The following B3GALT1 variants were observed in gnomAD, a reference collection of about 807,000 sequenced individuals.
B3GALT1 encodes the protein beta-1,3-galactosyltransferase 1, also known as UDP-Gal:betaGlcNAc beta 1,3-galactosyltransferase, polypeptide 1.
In B3GALT1, 10 loss-of-function variants were observed where a neutral mutation model predicts 23.2. That is an observed-to-expected ratio of 0.43 (90% CI 0.27 to 0.73). The LOEUF is 0.73. B3GALT1 is among the 30% of genes least tolerant of loss of function. The pLI, the probability that B3GALT1 is intolerant of heterozygous loss-of-function variation, is 0.21. For synonymous variants in B3GALT1, 156 were observed against 141.5 expected, an observed-to-expected ratio of 1.10 and a Z score of -0.73; for missense variants, 299 against 405.4, an observed-to-expected ratio of 0.74 and a Z score of 2.25.
intron 3 of B3GALT1, among the ~76,000 whole-genome samples, chr2:167,764,716 A>C (rs1687948516): frequency 6.6e-6 from 1 of 152,234 alleles, no homozygotes; most frequent in Non-Finnish European, 1.5e-5. Context: ...AAAACATAAC[A>C]GTGCAAATAA....
At chr2:167,446,909 C>G (rs1699006138) in intron 1 of B3GALT1, among the ~76,000 whole-genome samples, 1 of 152,078 alleles carries the variant, frequency 6.6e-6, no homozygotes, top group Non-Finnish European at 1.5e-5. Context: ...TGGTGAGGAG[C>G]TACGTTCCTT....
intron 3 of B3GALT1, among the ~76,000 whole-genome samples, chr2:167,818,222 A>T (rs1381511819): frequency 3.3e-5 from 5 of 152,144 alleles, no homozygotes; most frequent in Admixed American, 6.5e-5. Flanking sequence ...TTTCACATTT[A>T]AAAAATCTAT....
At chr2:167,626,490 A>C (rs931590037) in intron 2 of B3GALT1, among the ~76,000 whole-genome samples, 17 of 151,754 alleles carry the variant, frequency 1.1e-4, no homozygotes, top group African/African-American at 3.9e-4. Flanking sequence ...ACGTATTTTG[A>C]GGCTGAAAAT....
At chr2:167,407,471 A>G (rs1337262280) in intron 1 of B3GALT1, among the ~76,000 whole-genome samples, 1 of 152,120 alleles carries the variant, frequency 6.6e-6, no homozygotes, top group Admixed American at 6.5e-5. Context: ...AATTAGTAGT[A>G]GGAAAGAAAT....
At chr2:167,376,484 GT>G (rs1453808689) in intron 1 of B3GALT1, among the ~76,000 whole-genome samples, 2 of 152,066 alleles carry the variant, frequency 1.3e-5, no homozygotes, top group African/African-American at 4.8e-5. Context: ...GCTTTCTTGG[GT>G]TGGTAGGTTT....
chr2:167,334,959 G>A (rs927671617), intron 1 of B3GALT1, among the ~76,000 whole-genome samples: 8 of 152,078 alleles, frequency 5.3e-5, no homozygotes, highest in Non-Finnish European at 1.2e-4. Context: ...GTTGGTTTGT[G>A]TTCTTGCTTT....
intron 1 of B3GALT1, among the ~76,000 whole-genome samples, chr2:167,414,423 A>G (rs1698437195): frequency 6.6e-6 from 1 of 152,180 alleles, no homozygotes. Context: ...ATTAGGTTAT[A>G]ATGTTCACTT....
intron 3 of B3GALT1, among the ~76,000 whole-genome samples, chr2:167,722,068 T>G (rs2105256675): frequency 6.6e-6 from 1 of 152,350 alleles, no homozygotes; most frequent in South Asian, 2.1e-4. Context: ...TTGAAGAAAT[T>G]TATTCTGTGT....
chr2:167,489,448 G>A (rs1699673745), intron 1 of B3GALT1, among the ~76,000 whole-genome samples: 1 of 152,180 alleles, frequency 6.6e-6, no homozygotes, highest in Non-Finnish European at 1.5e-5. Flanking sequence ...TGCAGGCAGT[G>A]GAAAGAAGCT....
intron 1 of B3GALT1, among the ~76,000 whole-genome samples, chr2:167,479,981 G>C (rs368830987): frequency 1.3e-5 from 2 of 152,134 alleles, no homozygotes; most frequent in Admixed American, 6.5e-5. Context: ...TCTGGCTGGG[G>C]CCACAGGATG....
At chr2:167,433,561 T>C in intron 1 of B3GALT1, among the ~76,000 whole-genome samples, 1 of 152,162 alleles carries the variant, frequency 6.6e-6, no homozygotes, top group East Asian at 1.9e-4. Context: ...ATCAATAATA[T>C]AGGAAACTAA....
chr2:167,432,538 A>G (rs558730416), intron 1 of B3GALT1, among the ~76,000 whole-genome samples: 1 of 152,280 alleles, frequency 6.6e-6, no homozygotes, highest in African/African-American at 2.4e-5. Flanking sequence ...AACACATGAG[A>G]AGCAAGTCCT....
chr2:167,791,811 G>A (rs930632412), intron 3 of B3GALT1, among the ~76,000 whole-genome samples: 17 of 151,230 alleles, frequency 1.1e-4, no homozygotes, highest in Admixed American at 2.0e-4. Context: ...TTGACCTTTA[G>A]ATCACTAGAT....
chr2:167,541,061 T>A (rs562879670), intron 2 of B3GALT1, among the ~76,000 whole-genome samples: 11 of 152,304 alleles, frequency 7.2e-5, no homozygotes, highest in Admixed American at 3.3e-4. Context: ...TGGCTCCTTC[T>A]TACTTTTTTA....
intron 1 of B3GALT1, among the ~76,000 whole-genome samples, chr2:167,324,576 A>C (rs1696863190): frequency 6.6e-6 from 1 of 152,056 alleles, no homozygotes; most frequent in African/African-American, 2.4e-5. Context: ...GAGGCTTTTT[A>C]ATGTTAAATT....
At chr2:167,300,454 A>G (rs955072068) in intron 1 of B3GALT1, among the ~76,000 whole-genome samples, 2 of 152,216 alleles carry the variant, frequency 1.3e-5, no homozygotes, top group African/African-American at 2.4e-5. Context: ...CAGATATTCT[A>G]AAGTTCATCT....
intron 1 of B3GALT1, among the ~76,000 whole-genome samples, chr2:167,354,843 T>C (rs1697376861): frequency 6.6e-6 from 1 of 152,230 alleles, no homozygotes; most frequent in Non-Finnish European, 1.5e-5. Context: ...TTTATTGTCT[T>C]CCTGCGCAGT....
chr2:167,869,705 G>A lies in B3GALT1; in HGVS notation c.666G>A (p.Met222Ile), dbSNP rs1559010003. ...PIRDVRSKWY[M>I]PRDLYPDSNY... ...GGGATGTCCGCAGTAAGTGGTATAT[G>A]CCCAGGGATTTGTACCCAGACAGTA... The change falls in exon 5 of 5, where the codon ATG becomes ATA. Residue 222 changes from methionine (M) to isoleucine (I), a missense_variant. By Grantham distance (10) the Met-to-Ile change is conservative. Transcript: ENST00000392690. The surrounding 1 kb of genome is among the most constrained non-coding windows in gnomAD (Gnocchi z 6.4). The A allele has an allele frequency of 6.2e-7, 1 of 1,614,108 alleles. No homozygotes were observed. Among genetic ancestry groups the A allele is most frequent in the Non-Finnish European group, 8.5e-7 (1 of 1,180,000 alleles).
At chr2:167,451,881 G>A (rs1040316997) in intron 1 of B3GALT1, among the ~76,000 whole-genome samples, 1 of 152,166 alleles carries the variant, frequency 6.6e-6, no homozygotes, top group Non-Finnish European at 1.5e-5. Flanking sequence ...GAGGATGGCG[G>A]TGTGGTTCTC....
Sources: gnomAD v4.1 joint callset for allele counts (sites outside exome capture counted in the v4.1 genomes callset) on GRCh38, gnomAD v4.1.1 for gene constraint, Gnocchi (gnomAD v3.1) non-coding constraint, MANE v1.5 for transcripts, NCBI Gene and HGNC (gene_info 2026-07-23, HGNC 2026-07-21) for gene names.